The following CCL17 variants were observed in gnomAD, a reference collection of about 807,000 sequenced individuals.
CCL17 encodes C-C motif chemokine 17.
A neutral mutation model predicts 7.4 loss-of-function variants in CCL17; 8 were observed. The ratio of observed to expected loss-of-function variants is 1.09; its 90% confidence interval spans 0.64 to 1.96. CCL17 has a LOEUF of 1.96. CCL17 is among the 30% of genes most tolerant of loss of function. The pLI, the probability that CCL17 is intolerant of heterozygous loss-of-function variation, is 0.00. For missense variants in CCL17, 102 were observed against 113.0 expected (o/e 0.90, Z 0.44); for synonymous variants, 40 against 46.1 (o/e 0.87, Z 0.54).
upstream of CCL17, among the ~76,000 whole-genome samples, chr16:57,401,692 G>A (rs796604000): frequency 1.3e-5 from 2 of 152,280 alleles, no homozygotes; most frequent in African/African-American, 4.8e-5. Context: ...GGAAAGCGGG[G>A]CTCAGTGACG....
At chr16:57,400,218 G>A (rs1326249346), upstream of CCL17, among the ~76,000 whole-genome samples, 4 of 152,158 alleles carry the variant, frequency 2.6e-5, no homozygotes, top group Admixed American at 1.3e-4. Flanking sequence ...AATTAGCTGG[G>A]AGTAGTGGCG....
At chr16:57,409,001 A>T (rs1429327179) in intron 1 of CCL17, among the ~76,000 whole-genome samples, 1 of 152,296 alleles carries the variant, frequency 6.6e-6, no homozygotes, top group East Asian at 1.9e-4. Context: ...TGAGCCACCA[A>T]ACTGGCCTAA....
At chr16:57,398,476 C>G in the CCL17 span, among the ~76,000 whole-genome samples, 1 of 152,178 alleles carries the variant, frequency 6.6e-6, no homozygotes, top group East Asian at 1.9e-4. Flanking sequence ...CCTCTGGTTC[C>G]CATTCTACTA....
At chr16:57,413,775 C>T (rs1902821992) in intron 1 of CCL17, 99 bp from the exon 2 acceptor site, 1 of 536,378 alleles carries the variant, frequency 1.9e-6, no homozygotes, top group Non-Finnish European at 3.4e-6. Context: ...ATTCTTCGAA[C>T]TTCACTGGTC....
chr16:57,407,288 C>T (rs1483805747), intron 1 of CCL17, among the ~76,000 whole-genome samples: 1 of 152,098 alleles, frequency 6.6e-6, no homozygotes, highest in Non-Finnish European at 1.5e-5. Flanking sequence ...ATCCAAGCCA[C>T]AGTTGAAGCA....
chr16:57,399,853 C>T (rs958249793), upstream of CCL17, among the ~76,000 whole-genome samples: 2 of 152,180 alleles, frequency 1.3e-5, no homozygotes, highest in Non-Finnish European at 2.9e-5. Context: ...AAGATGAGCT[C>T]GTGCTCATAG....
intron 2 of CCL17, among the ~76,000 whole-genome samples, chr16:57,414,805 C>T (rs1902842157): frequency 1.3e-5 from 2 of 152,042 alleles, no homozygotes; most frequent in Admixed American, 1.3e-4. Flanking sequence ...CACGTAGGCA[C>T]TCACAGGACA....
Position 57,414,098 on chromosome 16 carries a change from T to C in CCL17, c.70+96T>C, listed in dbSNP as rs1371725901. ...CAGCAATACACACGTTTGTGTATTA[T>C]TTACACCCCACCTACTCCCACAAAA... is the stretch of plus-strand genomic sequence containing the variant. On this transcript the variant is annotated intron_variant, in intron 2 of 3. Transcript: ENST00000219244. 3.4e-6 allele frequency: 3 copies of C among 881,716 alleles called. No homozygotes were observed. In the African/African-American group the frequency reaches 5.0e-5, roughly 15 times the overall value. 54.6% of individuals were successfully genotyped at this position (881,716 alleles called of 1,614,324 possible).
intron 1 of CCL17, among the ~76,000 whole-genome samples, 189 bp from the exon 2 acceptor site, chr16:57,413,685 A>G (rs1902821055): frequency 6.6e-6 from 1 of 152,124 alleles, no homozygotes; most frequent in Non-Finnish European, 1.5e-5. Flanking sequence ...CATGTACCCC[A>G]CCTCTGTCTC....
chr16:57,413,538 C>A (rs887214360), intron 1 of CCL17, among the ~76,000 whole-genome samples: 3 of 152,212 alleles, frequency 2.0e-5, no homozygotes, highest in Non-Finnish European at 4.4e-5. Context: ...CCTGCTCAAG[C>A]CACCATGCAT....
At chr16:57,403,882 C>G (rs916295258), upstream of CCL17, among the ~76,000 whole-genome samples, 10 of 150,860 alleles carry the variant, frequency 6.6e-5, no homozygotes, top group Non-Finnish European at 1.2e-4. Flanking sequence ...GTCTCGAACC[C>G]CTGACTTCAA....
chr16:57,408,762 G>A (rs1440796643), intron 1 of CCL17, among the ~76,000 whole-genome samples: 5 of 151,692 alleles, frequency 3.3e-5, no homozygotes, highest in Non-Finnish European at 7.4e-5. Flanking sequence ...TTTTAGTAGA[G>A]ACAGGGTTTC....
upstream of CCL17, among the ~76,000 whole-genome samples, chr16:57,404,150 G>T (rs1321279488): frequency 6.6e-6 from 1 of 152,158 alleles, no homozygotes; most frequent in East Asian, 1.9e-4. Context: ...TGGGCAGAGA[G>T]CAGGGCACAG....
upstream of CCL17, among the ~76,000 whole-genome samples, chr16:57,403,222 TATTATCTATAATATA>T (rs1902621642): frequency 7.7e-4 from 2 of 2,590 alleles, no homozygotes; most frequent in African/African-American, 3.2e-3. Context: ...TAATATATAT[TATTATCTATAATATA>T]TATAATATAT....
the CCL17 span, among the ~76,000 whole-genome samples, chr16:57,396,600 G>C: frequency 6.6e-6 from 1 of 152,208 alleles, no homozygotes; most frequent in Non-Finnish European, 1.5e-5. Context: ...AGGGGGTCCA[G>C]GGGTGAATGG....
chr16:57,414,103 A>C, intron 2 of CCL17, 101 bp downstream of exon 2: 1 of 803,586 alleles, frequency 1.2e-6, no homozygotes, highest in Non-Finnish European at 1.9e-6. Context: ...TATTATTTAC[A>C]CCCCACCTAC....
At chr16:57,397,661 C>T in the CCL17 span, among the ~76,000 whole-genome samples, 2 of 152,196 alleles carry the variant, frequency 1.3e-5, no homozygotes, top group Non-Finnish European at 2.9e-5. Flanking sequence ...TTAATGGGAG[C>T]TCCCCCAGAG....
At chr16:57,407,028 T>A (rs1330251362) in intron 1 of CCL17, among the ~76,000 whole-genome samples, 21 of 151,928 alleles carry the variant, frequency 1.4e-4, no homozygotes, top group Non-Finnish European at 2.9e-5. Flanking sequence ...AAATCACAAG[T>A]GGGCAGAGAG....
Position 57,415,291 on chromosome 16 carries a change from A to G in CCL17, c.188+93A>G. 1 of 857,634 alleles carries G rather than the reference A, an allele frequency of 1.2e-6. No homozygotes were observed. 53.1% of individuals were successfully genotyped at this position (857,634 alleles called of 1,614,324 possible). On this transcript the variant is annotated intron_variant, in intron 3 of 3. Coordinates refer to ENST00000219244, the MANE Select transcript of CCL17 (RefSeq NM_002987.3). The surrounding 1 kb of genome is among the most constrained non-coding windows in gnomAD (Gnocchi z 4.5). The stretch of plus-strand genomic sequence containing the variant: ...CCAGGACGGCCAATGGGGAGCAGGG[A>G]AGAGACAGCGGGGCCTTCCTCCCCA...
Sources: allele counts gnomAD v4.1 joint callset (sites outside exome capture counted in the v4.1 genomes callset), GRCh38; gene constraint gnomAD v4.1.1; non-coding constraint Gnocchi (gnomAD v3.1); transcripts MANE v1.5; gene names NCBI Gene and HGNC (gene_info 2026-07-23, HGNC 2026-07-21).